The following NALCN variants were observed in gnomAD, a reference collection of about 807,000 sequenced individuals.
NALCN encodes the protein sodium leak channel, non-selective, also known as sodium leak channel NALCN.
In NALCN, 111 loss-of-function variants were observed where a neutral mutation model predicts 225.3. That is an observed-to-expected ratio of 0.49 (90% CI 0.42 to 0.58). The LOEUF is 0.58. NALCN is among the 20% of genes least tolerant of loss of function. The pLI, the probability that NALCN is intolerant of heterozygous loss-of-function variation, is 0.00. For synonymous variants in NALCN, 764 were observed against 769.0 expected (o/e 0.99, Z 0.11); for missense variants, 1,378 against 2,202.4 (o/e 0.63, Z 7.49).
intron 6 of NALCN, among the ~76,000 whole-genome samples, chr13:101,360,088 TCTTTC>T (rs2046190457): frequency 2.0e-5 from 3 of 147,380 alleles, no homozygotes; most frequent in African/African-American, 7.8e-5. Context: ...TCTTTCTCTT[TCTTTC>T]TTTTCTTTCT....
chr13:101,302,064 T>C (rs1007825743), intron 7 of NALCN, among the ~76,000 whole-genome samples: 2 of 152,190 alleles, frequency 1.3e-5, no homozygotes, highest in African/African-American at 4.8e-5. Context: ...CAAAGGAAAT[T>C]GAAGCAAAAG....
chr13:101,186,079 C>A (rs2039436440), intron 14 of NALCN, among the ~76,000 whole-genome samples: 1 of 152,238 alleles, frequency 6.6e-6, no homozygotes, highest in Non-Finnish European at 1.5e-5. Flanking sequence ...ACAGACCTGT[C>A]ACCCTCACGC....
intron 17 of NALCN, among the ~76,000 whole-genome samples, chr13:101,135,242 A>G (rs2036725938): frequency 6.6e-6 from 1 of 152,252 alleles, no homozygotes. Flanking sequence ...ATAGATTTTA[A>G]TTACAAAAGT....
At position 101,150,518 on chromosome 13, in the gene NALCN, A is replaced by G. The variant is rs542901762; in HGVS notation, c.1840-5622T>C. Among the ~76,000 whole-genome samples the G allele has an allele frequency of 9.8e-5, 15 of 152,286 alleles. No individual in the cohort carries two copies. The South Asian group carries it at 3.1e-3, about 32-fold the overall frequency. On this transcript the variant is annotated intron_variant, in intron 15 of 43. Coordinates refer to ENST00000251127, the MANE Select transcript of NALCN (RefSeq NM_052867.4). ...ACCAAGCTACAGACACAGAAAAAGG[A>G]AGAAAGAGTAAGATGGGAGTAGACA...
intron 18 of NALCN, among the ~76,000 whole-genome samples, chr13:101,117,671 C>T (rs941391210): frequency 1.3e-5 from 2 of 152,198 alleles, no homozygotes; most frequent in African/African-American, 2.4e-5. Context: ...TTTATGTTTA[C>T]ACCATGTCTT....
intron 34 of NALCN, among the ~76,000 whole-genome samples, chr13:101,080,594 TATTAAATTAATTATATAATCA>T (rs1323293251): frequency 7.3e-6 from 1 of 136,958 alleles, no homozygotes; most frequent in African/African-American, 2.6e-5. Context: ...ATTAAATAAT[TATTAAATTAATTATATAATCA>T]ATTAAATTAA....
chr13:101,126,418 C>A lies in NALCN; in HGVS notation c.2119-1737G>T, dbSNP rs192853289. 2.4e-3 allele frequency among the ~76,000 whole-genome samples: 372 copies of A among 152,122 alleles called. 2 individuals carry two copies. Among genetic ancestry groups the A allele is most frequent in the Admixed American group, 5.2e-3 (79 of 15,268 alleles). On this transcript the variant is annotated intron_variant, in intron 17 of 43. Coordinates refer to ENST00000251127, the MANE Select transcript of NALCN (RefSeq NM_052867.4). ...TTTGGAACTTCCATTTTCTTGGTAG[C>A]ACATACATGCTATTTCCAATGATAA... is the stretch of plus-strand genomic sequence containing the variant.
chr13:101,374,076 A>G (rs57052479), intron 6 of NALCN, among the ~76,000 whole-genome samples: 32,575 of 151,900 alleles, frequency 0.21, 3,638 homozygotes, highest in Non-Finnish European at 0.24. Context: ...AATGAAGATT[A>G]GGAGTGGGGT....
At chr13:101,168,792 CCTT>C (rs1236779191) in intron 15 of NALCN, among the ~76,000 whole-genome samples, 1 of 152,152 alleles carries the variant, frequency 6.6e-6, no homozygotes, top group African/African-American at 2.4e-5. Context: ...GCTGGTATCT[CCTT>C]ATTTTTCCAG....
chr13:101,238,293 G>T (rs1377604184), intron 11 of NALCN, among the ~76,000 whole-genome samples: 2 of 151,422 alleles, frequency 1.3e-5, no homozygotes, highest in Non-Finnish European at 3.0e-5. Flanking sequence ...TAATGTACAT[G>T]GCATATTATA....
At chr13:101,126,937 C>T (rs1235305049) in intron 17 of NALCN, among the ~76,000 whole-genome samples, 2 of 152,162 alleles carry the variant, frequency 1.3e-5, no homozygotes, top group African/African-American at 2.4e-5. Context: ...CACCTAAGAA[C>T]ACACATAGTC....
At chr13:101,263,890 A>G (rs2042512838) in intron 10 of NALCN, among the ~76,000 whole-genome samples, 1 of 152,242 alleles carries the variant, frequency 6.6e-6, no homozygotes, top group Non-Finnish European at 1.5e-5. Context: ...CTTCAACTCA[A>G]TTCACTTCAG....
intron 7 of NALCN, among the ~76,000 whole-genome samples, chr13:101,299,254 G>A (rs1357553169): frequency 6.6e-6 from 1 of 152,162 alleles, no homozygotes; most frequent in Non-Finnish European, 1.5e-5. Flanking sequence ...CTTAGAATTT[G>A]GGGGAAGGGA....
At chr13:101,324,814 T>G (rs867175631) in intron 7 of NALCN, among the ~76,000 whole-genome samples, 2 of 152,160 alleles carry the variant, frequency 1.3e-5, no homozygotes, top group African/African-American at 4.8e-5. Flanking sequence ...AACACTATGT[T>G]GAATAGGAGT....
intron 7 of NALCN, among the ~76,000 whole-genome samples, chr13:101,313,168 T>C (rs2044416141): frequency 6.6e-6 from 1 of 152,138 alleles, no homozygotes; most frequent in African/African-American, 2.4e-5. Context: ...TTACACCTTA[T>C]ACAAAAATTA....
intron 9 of NALCN, 110 bp from the exon 10 acceptor site, chr13:101,284,129 G>A: frequency 3.6e-6 from 3 of 832,600 alleles, no homozygotes; most frequent in East Asian, 3.0e-5. Flanking sequence ...GTCTTCTTAT[G>A]GATTTATATT....
intron 9 of NALCN, among the ~76,000 whole-genome samples, chr13:101,288,772 T>G (rs117236563): frequency 2.0e-5 from 3 of 152,358 alleles, no homozygotes; most frequent in East Asian, 3.9e-4. Context: ...AGATATGTAT[T>G]GACTGTCAGA....
chr13:101,360,192 CTCT>C (rs2046205855), intron 6 of NALCN, among the ~76,000 whole-genome samples: 1 of 33,498 alleles, frequency 3.0e-5, no homozygotes, highest in Non-Finnish European at 4.7e-5. Context: ...CTCTCTTCCT[CTCT>C]CTCTCTCTCT....
intron 18 of NALCN, among the ~76,000 whole-genome samples, chr13:101,118,563 C>G (rs938920197): frequency 1.3e-5 from 2 of 152,264 alleles, no homozygotes; most frequent in East Asian, 3.9e-4. Context: ...TAATTTTCAT[C>G]TATCTACTTA....
Sources: allele counts gnomAD v4.1 joint callset (sites outside exome capture counted in the v4.1 genomes callset), GRCh38; gene constraint gnomAD v4.1.1; transcripts MANE v1.5; gene names NCBI Gene and HGNC (gene_info 2026-07-23, HGNC 2026-07-21).